EAF1: variants seen among roughly 807,000 people sequenced by gnomAD.
EAF1 encodes the protein ELL-associated factor 1.
EAF1 carries 19 observed loss-of-function variants against 26.6 expected under a neutral mutation model. The observed-to-expected ratio is 0.71, with a 90% CI of 0.50 to 1.05. The LOEUF is 1.05. Ranked by LOEUF, EAF1 falls within the 50% of genes least tolerant of loss-of-function variation. The pLI, the probability that EAF1 is intolerant of heterozygous loss-of-function variation, is 0.00. For missense variants in EAF1, 260 were observed against 335.5 expected (o/e 0.78, Z 1.76); for synonymous variants, 102 against 120.6 (o/e 0.85, Z 1.01).
chr3:15,432,040 T>C (rs542937279), intron 2 of EAF1, 47 bp from the exon 3 acceptor site: 1 of 1,584,144 alleles, frequency 6.3e-7, no homozygotes. Flanking sequence ...TTGATATTCA[T>C]AACTGGTATG....
chr3:15,429,884 G>A, intron 1 of EAF1, 29 bp from the exon 2 acceptor site: 1 of 1,476,548 alleles, frequency 6.8e-7, no homozygotes, highest in Non-Finnish European at 9.5e-7. Flanking sequence ...TAACCTGGTG[G>A]GTAAGTGCTT....
rs143435550 is a variant in EAF1 at position 15,440,495 on chromosome 3, A to G, written c.*1340A>G. 3.3e-5 allele frequency: 5 copies of G among 152,286 alleles called. No homozygotes were observed. The East Asian group carries it at 9.6e-4, about 29-fold the overall frequency. The allele number at this position is 152,286 out of a possible 1,614,324, so 9.4% of individuals were successfully genotyped here. A position where few individuals can be genotyped will look rare whatever the true frequency, so the allele number is the denominator to read the frequency against. ...ATTTCCATCCACTTTGGTTCAGCGGACATCAAGGTAGTAATAATAATTTTT... is the reference window on the plus strand; with the variant it reads ...ATTTCCATCCACTTTGGTTCAGCGGGCATCAAGGTAGTAATAATAATTTTT... On this transcript the variant is annotated 3_prime_UTR_variant, in exon 6 of 6. Transcript: ENST00000396842.
At chr3:15,432,856 A>G (rs1368155655) in intron 3 of EAF1, among the ~76,000 whole-genome samples, 1 of 151,892 alleles carries the variant, frequency 6.6e-6, no homozygotes, top group African/African-American at 2.4e-5. Context: ...CAGTGGCATA[A>G]TCATAGCTCA....
At chr3:15,428,792 C>A (rs1448598587) in intron 1 of EAF1, among the ~76,000 whole-genome samples, 1 of 152,196 alleles carries the variant, frequency 6.6e-6, no homozygotes, top group Non-Finnish European at 1.5e-5. Flanking sequence ...GTGGTGCTAA[C>A]GCTGTTGTTA....
At position 15,439,241 on chromosome 3, in the gene EAF1, A is replaced by C; in HGVS notation, c.*86A>C. ...TGGCGTGGAGTCCATTGCAAGAGGA[A>C]AATGTTATGGATCAGTGACTGTAGT... is the stretch of plus-strand genomic sequence containing the variant. On this transcript the variant is annotated 3_prime_UTR_variant, in exon 6 of 6. Coordinates refer to ENST00000396842, the MANE Select transcript of EAF1 (RefSeq NM_033083.7). 7.5e-7 allele frequency: 1 copy of C among 1,340,114 alleles called. No individual in the cohort carries two copies. The allele number at this position is 1,340,114 out of a possible 1,614,324, so 83.0% of individuals were successfully genotyped here.
At chr3:15,435,940 T>G (rs928959755) in intron 4 of EAF1, among the ~76,000 whole-genome samples, 5 of 152,174 alleles carry the variant, frequency 3.3e-5, no homozygotes, top group Non-Finnish European at 7.4e-5. Flanking sequence ...ACCTCCCAAC[T>G]CCTAGTCAAA....
Position 15,439,296 on chromosome 3 carries a change from A to G in EAF1, c.*141A>G, listed in dbSNP as rs2061853085. ...GTTTGAGGCTCTGGAACTCTCACAT[A>G]TTCAAGTCTTTAACTTAGTGGTGAT... On this transcript the variant is annotated 3_prime_UTR_variant, in exon 6 of 6. Transcript: ENST00000396842. 1 of 685,178 alleles carries G rather than the reference A, an allele frequency of 1.5e-6. No individual in the cohort carries two copies. Among genetic ancestry groups the G allele is most frequent in the Non-Finnish European group, 2.4e-6 (1 of 420,574 alleles). 42.4% of individuals were successfully genotyped at this position (685,178 alleles called of 1,614,324 possible).
chr3:15,439,165 T>C lies in EAF1; in HGVS notation c.*10T>C. The C allele has an allele frequency of 6.2e-7, 1 of 1,612,298 alleles. No homozygotes were observed. Among genetic ancestry groups the C allele is most frequent in the Non-Finnish European group, 8.5e-7 (1 of 1,179,208 alleles). ...TGACAGTGATGACTAGTGCTGGATCTTTCGAAACCTACTTTTTGGTGCACA... is the reference window on the plus strand; with the variant it reads ...TGACAGTGATGACTAGTGCTGGATCCTTCGAAACCTACTTTTTGGTGCACA... On this transcript the variant is annotated 3_prime_UTR_variant, in exon 6 of 6. Transcript: ENST00000396842.
intron 3 of EAF1, among the ~76,000 whole-genome samples, chr3:15,432,626 A>G (rs1175294836): frequency 1.3e-5 from 2 of 152,210 alleles, no homozygotes; most frequent in Non-Finnish European, 2.9e-5. Context: ...TGAGATTACT[A>G]TAATACCAAA....
rs112864760 is a variant in EAF1, at chr3:15,428,654, A to G, written c.103+772A>G. On this transcript the variant is annotated intron_variant, in intron 1 of 5. Coordinates refer to ENST00000396842, the MANE Select transcript of EAF1 (RefSeq NM_033083.7). ...AATGTCCAAATAGTCATTATGCCGG[A>G]CCTTTTTCTACATAATTATAGACGC... Among the ~76,000 whole-genome samples, 1,154 of 152,290 alleles carry G rather than the reference A, an allele frequency of 7.6e-3. 24 individuals are homozygous for G. The highest frequency in any genetic ancestry group is 0.027 in the African/African-American group (1,106 of 41,558).
rs957479601 is a variant in EAF1, at chr3:15,427,609, C to T, written c.-171C>T. 10 of 633,212 alleles carry T rather than the reference C, an allele frequency of 1.6e-5. No individual in the cohort carries two copies. The highest frequency in any genetic ancestry group is 2.8e-5 in the Non-Finnish European group (10 of 361,088). The allele number at this position is 633,212 out of a possible 1,614,324, so 39.2% of individuals were successfully genotyped here. A position where few individuals can be genotyped will look rare whatever the true frequency, so the allele number is the denominator to read the frequency against. On this transcript the variant is annotated 5_prime_UTR_variant, in exon 1 of 6. Transcript: ENST00000396842. ...GCCTCCTCAGATTCCTCTCTCACCCCCACGCAGAGGAGAGAACTTGCTTCT... is the reference window on the plus strand; with the variant it reads ...GCCTCCTCAGATTCCTCTCTCACCCTCACGCAGAGGAGAGAACTTGCTTCT...
In EAF1 at chr3:15,427,803, G is replaced by T. The variant is rs1449919047; in HGVS notation, c.24G>T (p.Leu8=). 1.4e-5 allele frequency: 21 copies of T among 1,551,324 alleles called. No homozygotes were observed. In the East Asian group the frequency reaches 4.2e-4, roughly 31 times the overall value. MNGTANP[L]LDREEHCLRL... ...CCATGAATGGGACCGCAAACCCGCT[G>T]CTGGACCGCGAGGAACATTGCCTGA... Residue 8 remains leucine, a synonymous_variant, in exon 1 of 6, where the codon CTG becomes CTT. Transcript: ENST00000396842.
At chr3:15,429,811 C>G in intron 1 of EAF1, 102 bp from the exon 2 acceptor site, 3 of 738,762 alleles carry the variant, frequency 4.1e-6, no homozygotes, top group Non-Finnish European at 7.0e-6. Context: ...TTTTTATTTT[C>G]CATTCATCTG....
intron 1 of EAF1, among the ~76,000 whole-genome samples, chr3:15,428,810 T>C (rs775154184): frequency 1.9e-4 from 29 of 152,188 alleles, no homozygotes; most frequent in Non-Finnish European, 4.0e-4. Flanking sequence ...TTAAGACTTG[T>C]TTTTGTCAGA....
intron 3 of EAF1, among the ~76,000 whole-genome samples, chr3:15,432,649 C>T (rs980693375): frequency 2.0e-5 from 3 of 152,050 alleles, no homozygotes; most frequent in Non-Finnish European, 2.9e-5. Flanking sequence ...AAAACTTTGC[C>T]TATTTTTTAA....
chr3:15,438,428 G>A lies in EAF1; in HGVS notation c.761-681G>A, dbSNP rs73144124. Among the ~76,000 whole-genome samples, 845 of 151,830 alleles carry A rather than the reference G, an allele frequency of 5.6e-3. 7 individuals are homozygous for A. Among genetic ancestry groups the A allele is most frequent in the African/African-American group, 0.018 (754 of 41,376 alleles). On this transcript the variant is annotated intron_variant, in intron 5 of 5. Coordinates refer to ENST00000396842, the MANE Select transcript of EAF1 (RefSeq NM_033083.7). Reference sequence around the variant, plus strand: ...CACCTTTCTTAATGGGAAGCCTACCGGATATTTTCTTAAGTTGCCTTTATA... The same window carrying A: ...CACCTTTCTTAATGGGAAGCCTACCAGATATTTTCTTAAGTTGCCTTTATA...
Position 15,432,087 on chromosome 3 carries a change from G to A in EAF1, c.199G>A (p.Gly67Arg), listed in dbSNP as rs1226704791. Residue 67 changes from glycine to arginine, a missense_variant and splice_region_variant, in exon 3 of 6, where the codon GGA (glycine) becomes AGA (arginine). By Grantham distance (125) the Gly-to-Arg change is moderately radical. Transcript: ENST00000396842. The stretch of plus-strand genomic sequence containing the variant: ...CATCTTATACTTTTGTGGCAAATAG[G>A]GATCCACACCACCCATGACTGTGTT... The part of the protein sequence containing the change: ...EVTITLPHIP[G>R]STPPMTVFKG... 6 of 1,611,422 alleles carry A rather than the reference G, an allele frequency of 3.7e-6. No homozygotes were observed. Among genetic ancestry groups the A allele is most frequent in the Non-Finnish European group, 4.2e-6 (5 of 1,179,048 alleles).
Position 15,440,951 on chromosome 3 carries a change from T to G in EAF1, c.*1796T>G, listed in dbSNP as rs2061865562. 6.6e-6 allele frequency: 1 copy of G among 152,646 alleles called. No individual in the cohort carries two copies. The highest frequency in any genetic ancestry group is 6.5e-5 in the Admixed American group (1 of 15,282). 9.5% of individuals were successfully genotyped at this position (152,646 alleles called of 1,614,324 possible). On this transcript the variant is annotated 3_prime_UTR_variant, in exon 6 of 6. Transcript: ENST00000396842. Reference sequence around the variant, plus strand: ...TTAACTTGCTCAAACTGGGGCAGGTTCCAGGAACTTGAACTAAAAATATCT... The same window carrying G: ...TTAACTTGCTCAAACTGGGGCAGGTGCCAGGAACTTGAACTAAAAATATCT...
At chr3:15,433,235 A>T (rs1319089101) in intron 3 of EAF1, 1 of 99,846 alleles carries the variant, frequency 1.0e-5, no homozygotes, top group African/African-American at 7.8e-5. Flanking sequence ...CTATTATCTA[A>T]AAAAAAAAAA....
Sources: gnomAD v4.1 joint callset for allele counts (sites outside exome capture counted in the v4.1 genomes callset) on GRCh38, gnomAD v4.1.1 for gene constraint, MANE v1.5 for transcripts, NCBI Gene and HGNC (gene_info 2026-07-23, HGNC 2026-07-21) for gene names.